The following CES4A variants were observed in gnomAD, a reference collection of about 807,000 sequenced individuals.
The protein encoded by CES4A is carboxylesterase 6.
CES4A carries 48 observed loss-of-function variants against 65.4 expected under a neutral mutation model. The observed-to-expected ratio is 0.73, with a 90% CI of 0.58 to 0.93. CES4A has a LOEUF of 0.93. Ranked by LOEUF, CES4A falls within the 40% of genes least tolerant of loss-of-function variation. The pLI is 0.00. For synonymous variants in CES4A, 247 were observed against 281.8 expected (o/e 0.88, Z 1.24); for missense variants, 685 against 728.5 (o/e 0.94, Z 0.69).
rs773863288 is a variant in CES4A at position 67,003,356 on chromosome 16, A to G, written c.896A>G (p.Lys299Arg). ...ACCAAGGTGATGCGTGTGTCCAACA[A>G]GATGGTAGGTAGAACATTCCAGCTG... The change falls in exon 7 of 14, where the codon AAG (lysine) becomes AGG (arginine). Residue 299 changes from lysine to arginine, a missense_variant. Transcript: ENST00000648724. The surrounding 1 kb of genome is among the most constrained non-coding windows in gnomAD (Gnocchi z 4.2). 3 of 1,613,756 alleles carry G rather than the reference A, an allele frequency of 1.9e-6. No individual in the cohort carries two copies. The highest frequency in any genetic ancestry group is 3.3e-5 in the Admixed American group (2 of 60,024).
At chr16:66,993,952 T>A (rs1964598416) in intron 1 of CES4A, among the ~76,000 whole-genome samples, 1 of 151,168 alleles carries the variant, frequency 6.6e-6, no homozygotes, top group African/African-American at 2.4e-5. Context: ...ATACAAAAAA[T>A]TAGCCGGGCA....
intron 1 of CES4A, among the ~76,000 whole-genome samples, chr16:66,992,390 C>T (rs986941134): frequency 3.3e-5 from 5 of 152,200 alleles, no homozygotes; most frequent in Non-Finnish European, 5.9e-5. Flanking sequence ...TTTTGGCCAC[C>T]TGCAGCTGGG....
chr16:67,009,664 C>CT (rs1966033093), exon 14 of CES4A: 1 of 154,964 alleles, frequency 6.5e-6, no homozygotes, highest in Admixed American at 6.3e-5. Context: ...CCCACCCACA[C>CT]TTATCTCCCC....
chr16:67,003,554 G>A lies in CES4A; in HGVS notation c.939+1G>A, dbSNP rs1362784024. ...GAACTTCCAGAGAGACCCGGAAGAG[G>A]TAAACAGGCCACATTCTGCAATTTG... is the stretch of plus-strand genomic sequence containing the variant. On this transcript the variant is annotated splice_donor_variant, in intron 8 of 13. Transcript: ENST00000648724. LOFTEE classifies it high-confidence loss of function. This position sits in a 1 kb window ranked among gnomAD's most constrained non-coding sequence, Gnocchi z 4.2. 1 of 1,611,654 alleles carries A rather than the reference G, an allele frequency of 6.2e-7. No individual in the cohort carries two copies.
chr16:66,995,935 G>T, intron 2 of CES4A, 106 bp downstream of exon 2: 4 of 1,135,380 alleles, frequency 3.5e-6, no homozygotes, highest in Non-Finnish European at 1.3e-6. Flanking sequence ...GTGATCACAG[G>T]CAGGCCTGGG....
chr16:67,006,094 G>A (rs1370886125), intron 11 of CES4A: 3 of 338,514 alleles, frequency 8.9e-6, no homozygotes, highest in Non-Finnish European at 1.7e-5. Flanking sequence ...GCCAAGAAAG[G>A]AAGGTTCAGA....
Position 67,003,480 on chromosome 16 carries a change from T to A in CES4A, c.901-35T>A. Reference sequence around the variant, plus strand: ...TGTCTCAAGAGCACACGAGGGAGACTTCCTTTAACTCTGATCCCTTCCTCT... The same window carrying A: ...TGTCTCAAGAGCACACGAGGGAGACATCCTTTAACTCTGATCCCTTCCTCT... On this transcript the variant is annotated intron_variant, in intron 7 of 13. Transcript: ENST00000648724. This position sits in a 1 kb window ranked among gnomAD's most constrained non-coding sequence, Gnocchi z 4.2. 1 of 1,608,542 alleles carries A rather than the reference T, an allele frequency of 6.2e-7. No individual in the cohort carries two copies.
chr16:66,999,432 C>T lies in CES4A; in HGVS notation c.261-1206C>T, dbSNP rs183628963. Among the ~76,000 whole-genome samples, 6 of 152,342 alleles carry T rather than the reference C, an allele frequency of 3.9e-5. No individual in the cohort carries two copies. In the South Asian group the frequency reaches 6.2e-4, roughly 16 times the overall value. On this transcript the variant is annotated intron_variant, in intron 2 of 13. Coordinates refer to ENST00000648724, the Ensembl canonical transcript of CES4A. Reference sequence around the variant, plus strand: ...GTACTCAGATGAATCTACCTCTATTCCTGCCTTTGGGAAGTGCATGGTCAC... The same window carrying T: ...GTACTCAGATGAATCTACCTCTATTTCTGCCTTTGGGAAGTGCATGGTCAC...
At chr16:67,004,925 T>C in intron 10 of CES4A, 52 bp downstream of exon 10, 1 of 1,417,400 alleles carries the variant, frequency 7.1e-7, no homozygotes, top group Non-Finnish European at 9.6e-7. Flanking sequence ...TTGACCCCCC[T>C]GTTTTTTTTA....
At chr16:67,007,041 A>G (rs1253491000) in intron 13 of CES4A, 9 of 545,328 alleles carry the variant, frequency 1.7e-5, no homozygotes, top group Non-Finnish European at 2.6e-5. Flanking sequence ...CATTCACTCA[A>G]GCATTCCACA....
intron 11 of CES4A, 76 bp downstream of exon 11, chr16:67,005,469 C>T: frequency 2.2e-6 from 3 of 1,395,214 alleles, no homozygotes; most frequent in South Asian, 1.3e-5. Context: ...CTGGGCTTAT[C>T]GACTGCTCCC....
chr16:67,005,194 C>T (rs980425061), intron 10 of CES4A, 46 bp from the exon 11 acceptor site: 2 of 1,608,646 alleles, frequency 1.2e-6, no homozygotes, highest in Non-Finnish European at 1.7e-6. Context: ...CCACCTCTGG[C>T]CCAGCTGGCA....
chr16:66,991,984 T>C (rs763038567), intron 1 of CES4A, among the ~76,000 whole-genome samples: 1 of 151,700 alleles, frequency 6.6e-6, no homozygotes, highest in African/African-American at 2.4e-5. Flanking sequence ...TGAGGTGAGA[T>C]AATTTAAAGT....
chr16:67,010,138 T>C (rs76500888), downstream of CES4A, among the ~76,000 whole-genome samples: 1 of 149,666 alleles, frequency 6.7e-6, no homozygotes, highest in Non-Finnish European at 1.5e-5. Context: ...AAATCTCAGC[T>C]CACTGCAGCC....
At chr16:66,991,665 C>T (rs959222358) in intron 1 of CES4A, among the ~76,000 whole-genome samples, 4 of 152,120 alleles carry the variant, frequency 2.6e-5, no homozygotes, top group Non-Finnish European at 4.4e-5. Context: ...GCTAGGGAGC[C>T]GACAGAAAAA....
At chr16:67,002,327 T>A (rs1965424175) in intron 5 of CES4A, among the ~76,000 whole-genome samples, 1 of 152,074 alleles carries the variant, frequency 6.6e-6, no homozygotes, top group African/African-American at 2.4e-5. Context: ...GATGTGCATT[T>A]AGAGAGATGG....
chr16:67,003,632 T>A lies in CES4A; in HGVS notation c.939+79T>A. 2.5e-6 allele frequency: 3 copies of A among 1,178,238 alleles called. No homozygotes were observed. The highest frequency in any genetic ancestry group is 3.8e-6 in the Non-Finnish European group (3 of 783,056). 73.0% of individuals were successfully genotyped at this position (1,178,238 alleles called of 1,614,324 possible). A position where few individuals can be genotyped will look rare whatever the true frequency, so the allele number is the denominator to read the frequency against. On this transcript the variant is annotated intron_variant, in intron 8 of 13. Transcript: ENST00000648724. The surrounding 1 kb of genome is among the most constrained non-coding windows in gnomAD (Gnocchi z 4.2). ...CAGGCACTTGGGATACTTAGGGAAT[T>A]GTTCAGGCCAAGATCCCTTCCCTAG...
At chr16:67,006,953 C>T (rs1213398764) in intron 13 of CES4A, 136 bp downstream of exon 13, 2 of 694,330 alleles carry the variant, frequency 2.9e-6, no homozygotes, top group Non-Finnish European at 4.8e-6. Flanking sequence ...GCCCCTTCTT[C>T]TTCAGCTTTC....
chr16:66,994,500 C>T (rs533472138), intron 1 of CES4A, among the ~76,000 whole-genome samples: 31 of 150,928 alleles, frequency 2.1e-4, no homozygotes, highest in Non-Finnish European at 3.7e-4. Flanking sequence ...CGTGAGCCAC[C>T]GCGCGCAGCC....
Sources: gnomAD v4.1 joint callset for allele counts (sites outside exome capture counted in the v4.1 genomes callset) on GRCh38, gnomAD v4.1.1 for gene constraint, Gnocchi (gnomAD v3.1) non-coding constraint, MANE v1.5 for transcripts, NCBI Gene and HGNC (gene_info 2026-07-23, HGNC 2026-07-21) for gene names.